SLC12A7: variants seen among roughly 807,000 people sequenced by gnomAD.
SLC12A7 encodes the protein solute carrier family 12 member 7.
In SLC12A7, 100 loss-of-function variants were observed where a neutral mutation model predicts 120.6. The observed-to-expected ratio is 0.83, with a 90% confidence interval of 0.71 to 0.98. The LOEUF is 0.98. Among genes scored for constraint, SLC12A7 ranks in the 50% least tolerant of loss-of-function variants. SLC12A7 has a pLI of 0.00. For synonymous variants in SLC12A7, 760 were observed against 678.0 expected (o/e 1.12, Z -1.88); for missense variants, 1,373 against 1,548.1 (o/e 0.89, Z 1.90).
chr5:1,152,652 G>A, the SLC12A7 span, among the ~76,000 whole-genome samples: 24,569 of 151,226 alleles, frequency 0.16, 2,319 homozygotes, highest in South Asian at 0.3. Context: ...GCTAGAGAAG[G>A]GCGACTCCCT....
rs1036115435 is a variant in SLC12A7, at chr5:1,060,211, G to C, written c.2847+133C>G. ...CACCTCCACGCAGGCTGGGGGCTGA[G>C]CCTGCGACGCAGTACCTGAGGCATG... On this transcript the variant is annotated intron_variant, in intron 21 of 23. Coordinates refer to ENST00000264930, the MANE Select transcript of SLC12A7 (RefSeq NM_006598.3). 1.0e-5 allele frequency: 7 copies of C among 687,110 alleles called. No individual in the cohort carries two copies. In the African/African-American group the frequency reaches 1.2e-4, roughly 12 times the overall value. 42.6% of individuals were successfully genotyped at this position (687,110 alleles called of 1,614,324 possible). A position where few individuals can be genotyped will look rare whatever the true frequency, so the allele number is the denominator to read the frequency against.
rs566198980 is a variant in SLC12A7, at chr5:1,099,898, G to A, written c.125-5650C>T. 2.0e-5 allele frequency among the ~76,000 whole-genome samples: 3 copies of A among 152,272 alleles called. No individual in the cohort carries two copies. The South Asian group carries it at 6.2e-4, about 32-fold the overall frequency. On this transcript the variant is annotated intron_variant, in intron 1 of 23. Transcript: ENST00000264930. ...GGTGTACGGGGCAGGAGTGCGCAGG[G>A]GAATTCCGGGGTCCCCCAGGCCTGG...
At chr5:1,129,570 G>A in the SLC12A7 span, among the ~76,000 whole-genome samples, 6 of 152,100 alleles carry the variant, frequency 3.9e-5, no homozygotes, top group South Asian at 1.2e-3. Flanking sequence ...CAGGGTGGAG[G>A]GCGGCTCCAG....
rs1739098870 is a variant in SLC12A7, at chr5:1,081,470, C to T, written c.1297+107G>A. 5.9e-6 allele frequency: 7 copies of T among 1,188,084 alleles called. No individual in the cohort carries two copies. The Admixed American group carries it at 9.3e-5, about 16-fold the overall frequency. 73.6% of individuals were successfully genotyped at this position (1,188,084 alleles called of 1,614,324 possible). ...TCTAGGAGTTGAGGCTGCAGTGAGC[C>T]GTGATCACACCACTGCCCTCCAGCC... On this transcript the variant is annotated intron_variant, in intron 9 of 23. Coordinates refer to ENST00000264930, the MANE Select transcript of SLC12A7 (RefSeq NM_006598.3).
intron 3 of SLC12A7, among the ~76,000 whole-genome samples, chr5:1,091,733 G>T (rs1740528368): frequency 6.7e-6 from 1 of 150,076 alleles, no homozygotes; most frequent in Non-Finnish European, 1.5e-5. Flanking sequence ...GCGTCCACGT[G>T]CGGCACGGCA....
chr5:1,114,643 G>A (rs1443918486), upstream of SLC12A7, among the ~76,000 whole-genome samples: 50 of 152,180 alleles, frequency 3.3e-4, no homozygotes, highest in Admixed American at 3.3e-3. Context: ...GACACGTGGA[G>A]GTACCCGAGG....
rs752944739 is a variant in SLC12A7, at chr5:1,076,187, T to TC, written c.1797dup (p.Thr600AspfsTer316). 9.3e-6 allele frequency: 15 copies of TC among 1,612,450 alleles called. No homozygotes were observed. The South Asian group carries it at 1.6e-4, about 18-fold the overall frequency. ...CGCCAGTTGGGGGTACGTAGCAGGGTCTGCACGGCGCAGGCCAGGTTCACG... is the reference window on the plus strand; with the variant it reads ...CGCCAGTTGGGGGTACGTAGCAGGGTCCTGCACGGCGCAGGCCAGGTTCACG... On this transcript the variant is annotated frameshift_variant, in exon 14 of 24. Transcript: ENST00000264930. LOFTEE classifies it high-confidence loss of function.
rs761173941 is a variant in SLC12A7 at position 1,073,628 on chromosome 5, C to A, written c.2241+5G>T. Reference sequence around the variant, plus strand: ...GGCCTGGCCCCCAGACCCCGCCCGGCCCACCTCCTCGGCCCGCTGAGCCTC... The same window carrying A: ...GGCCTGGCCCCCAGACCCCGCCCGGACCACCTCCTCGGCCCGCTGAGCCTC... On this transcript the variant is annotated splice_donor_5th_base_variant and intron_variant, in intron 17 of 23. Coordinates refer to ENST00000264930, the MANE Select transcript of SLC12A7 (RefSeq NM_006598.3). 1.3e-6 allele frequency: 2 copies of A among 1,599,060 alleles called. No individual in the cohort carries two copies. The highest frequency in any genetic ancestry group is 2.2e-5 in the South Asian group (2 of 89,898).
upstream of SLC12A7, among the ~76,000 whole-genome samples, chr5:1,112,273 G>A (rs1743084349): frequency 6.7e-6 from 1 of 149,204 alleles, no homozygotes; most frequent in South Asian, 2.1e-4. Flanking sequence ...GCGAATCCCC[G>A]CTCAGTCTCC....
intron 15 of SLC12A7, 78 bp downstream of exon 15, chr5:1,075,293 G>A: frequency 6.5e-7 from 1 of 1,539,482 alleles, no homozygotes; most frequent in South Asian, 1.2e-5. Context: ...GCCCCTCCAG[G>A]GAGCTGCCCC....
In SLC12A7 at chr5:1,075,421, C is replaced by T. The variant is rs757314039; in HGVS notation, c.1917G>A (p.Leu639=). The T allele has an allele frequency of 3.7e-6, 6 of 1,612,542 alleles. No homozygotes were observed. The Admixed American group carries it at 5.0e-5, about 13-fold the overall frequency. ...TGCAGCCAGCGATGAGCATGGCGGA[C>T]AGCGCGTAGTACCAGGAGCAGATGA... ...LMFICSWYYA[L]SAMLIAGCIY... is the part of the protein sequence containing the mutation. The change falls in exon 15 of 24, where the codon CTG becomes CTA. Residue 639 remains leucine (L), a synonymous_variant. Transcript: ENST00000264930.
At chr5:1,057,936 CAG>C (rs1201480552) in intron 21 of SLC12A7, among the ~76,000 whole-genome samples, 3 of 152,248 alleles carry the variant, frequency 2.0e-5, no homozygotes, top group Non-Finnish European at 2.9e-5. Context: ...CACGTGCTGG[CAG>C]AGTCTCCCCC....
the SLC12A7 span, among the ~76,000 whole-genome samples, chr5:1,130,171 A>G: frequency 6.6e-6 from 1 of 152,056 alleles, no homozygotes; most frequent in Non-Finnish European, 1.5e-5. Flanking sequence ...CACCACCCCC[A>G]TCAAGCAGCC....
chr5:1,123,553 G>A, the SLC12A7 span, among the ~76,000 whole-genome samples: 3 of 152,220 alleles, frequency 2.0e-5, no homozygotes, highest in East Asian at 1.9e-4. Context: ...GCCTGGCCCC[G>A]CCGGCCCACT....
chr5:1,130,094 T>C, the SLC12A7 span, among the ~76,000 whole-genome samples: 2 of 152,224 alleles, frequency 1.3e-5, no homozygotes, highest in South Asian at 2.1e-4. Flanking sequence ...CAGAAAAATC[T>C]GCGGAAAATC....
Position 1,085,273 on chromosome 5 carries a change from A to G in SLC12A7, c.876T>C (p.Tyr292=). Residue 292 remains tyrosine, a synonymous_variant, in exon 7 of 24, where the codon TAT becomes TAC. Transcript: ENST00000264930. ...ACVVLSILAI[Y]AGVIKSAFDP... ...CGAAGGCAGACTTGATGACGCCGGC[A>G]TAGATGGCCAGGATGGACAGCACGA... 1 of 1,611,946 alleles carries G rather than the reference A, an allele frequency of 6.2e-7. No individual in the cohort carries two copies. The highest frequency in any genetic ancestry group is 1.1e-5 in the South Asian group (1 of 91,048).
At chr5:1,123,702 G>A in the SLC12A7 span, among the ~76,000 whole-genome samples, 1 of 152,226 alleles carries the variant, frequency 6.6e-6, no homozygotes, top group Non-Finnish European at 1.5e-5. Context: ...CACGTGTGTT[G>A]GCCAAGGAGC....
Position 1,083,844 on chromosome 5 carries a change from T to G in SLC12A7, c.1030A>C (p.Asn344His). ...CAGGCGGCGCTGGGCTGGGAGCCGT[T>G]GCAGAAGAGGCCCCAGAGCGCGGAG... The part of the protein sequence containing the change: ...ATSALWGLFC[N>H]GSQPSAACDE... Residue 344 changes from asparagine (N) to histidine (H), a missense_variant, in exon 8 of 24, where the codon AAC becomes CAC. Transcript: ENST00000264930. The G allele has an allele frequency of 6.2e-7, 1 of 1,608,312 alleles. No homozygotes were observed. Among genetic ancestry groups the G allele is most frequent in the Non-Finnish European group, 8.5e-7 (1 of 1,177,056 alleles).
intron 17 of SLC12A7, among the ~76,000 whole-genome samples, chr5:1,068,439 AT>A (rs1412635120): frequency 6.6e-6 from 1 of 152,262 alleles, no homozygotes; most frequent in African/African-American, 2.4e-5. Context: ...GTCTCAAAAA[AT>A]AAATAAAAAT....
Sources: allele counts gnomAD v4.1 joint callset (sites outside exome capture counted in the v4.1 genomes callset), GRCh38; gene constraint gnomAD v4.1.1; transcripts MANE v1.5; gene names NCBI Gene and HGNC (gene_info 2026-07-23, HGNC 2026-07-21).